The following ADGRL2 variants were observed in gnomAD, a reference collection of about 807,000 sequenced individuals.
ADGRL2 encodes adhesion G protein-coupled receptor L2, also known as calcium-independent alpha-latrotoxin receptor 2.
In ADGRL2, 44 loss-of-function variants were observed where a neutral mutation model predicts 157.4. The observed-to-expected ratio is 0.28, with a 90% CI of 0.22 to 0.36. The LOEUF (loss-of-function observed/expected upper bound fraction) is 0.36, where lower values mean the gene tolerates loss of function less well. ADGRL2 is among the 10% of genes least tolerant of loss of function. The pLI is 1.00. For missense variants in ADGRL2, 1,510 were observed against 1,768.9 expected (o/e 0.85, Z 2.63); for synonymous variants, 585 against 624.7 (o/e 0.94, Z 0.95).
rs551106734 is a variant in ADGRL2, at chr1:81,688,424, G to A, written c.-142-73387G>A. On this transcript the variant is annotated intron_variant, in intron 3 of 24. Transcript: ENST00000370721. ...GGGTTAATTCAAAGACCTTGTCTTC[G>A]AACTCCAAATTTCTTTCTTCTACTT... is the stretch of plus-strand genomic sequence containing the variant. 2.4e-3 allele frequency among the ~76,000 whole-genome samples: 367 copies of A among 151,798 alleles called. 2 individuals carry two copies. The highest frequency in any genetic ancestry group is 8.0e-3 in the African/African-American group (333 of 41,418).
intron 3 of ADGRL2, among the ~76,000 whole-genome samples, chr1:81,911,687 A>T (rs1053832220): frequency 1.3e-5 from 2 of 152,176 alleles, no homozygotes; most frequent in African/African-American, 4.8e-5. Context: ...TTCAATATTA[A>T]ATGTGAGTTT....
intron 1 of ADGRL2, among the ~76,000 whole-genome samples, chr1:81,344,666 CAAAAA>C (rs71592731): frequency 1.8e-5 from 1 of 56,024 alleles, no homozygotes. Flanking sequence ...AACTCTGTCT[CAAAAA>C]AAAAAAAAAA....
intron 2 of ADGRL2, among the ~76,000 whole-genome samples, chr1:81,478,147 A>G (rs1161038874): frequency 6.6e-6 from 1 of 152,178 alleles, no homozygotes; most frequent in Non-Finnish European, 1.5e-5. Flanking sequence ...TGCGATAATT[A>G]TTCCTTGGGG....
intron 6 of ADGRL2, among the ~76,000 whole-genome samples, chr1:81,944,956 A>T (rs1649318313): frequency 6.6e-6 from 1 of 152,064 alleles, no homozygotes; most frequent in African/African-American, 2.4e-5. Context: ...AGAATACCAA[A>T]ATACATGAGT....
intron 18 of ADGRL2, chr1:81,980,949 T>G: frequency 2.0e-6 from 1 of 505,950 alleles, no homozygotes; most frequent in East Asian, 3.2e-5. Flanking sequence ...AAATATCTAA[T>G]TTGCTATAGT....
intron 1 of ADGRL2, among the ~76,000 whole-genome samples, chr1:81,376,093 C>T (rs934216697): frequency 2.0e-5 from 3 of 152,174 alleles, no homozygotes; most frequent in African/African-American, 7.2e-5. Context: ...GTTGGCTCTT[C>T]CCCTTACTGG....
chr1:81,440,088 C>T (rs1478921140), intron 1 of ADGRL2, among the ~76,000 whole-genome samples: 2 of 152,094 alleles, frequency 1.3e-5, no homozygotes, highest in Non-Finnish European at 2.9e-5. Flanking sequence ...CTCAAAGGTG[C>T]GTACGACAAT....
At chr1:81,586,756 T>C (rs1377664538) in intron 3 of ADGRL2, among the ~76,000 whole-genome samples, 1 of 151,982 alleles carries the variant, frequency 6.6e-6, no homozygotes, top group East Asian at 1.9e-4. Flanking sequence ...GAGGTGGGGA[T>C]TTATTTACTT....
intron 2 of ADGRL2, among the ~76,000 whole-genome samples, chr1:81,454,641 T>C (rs1261906909): frequency 6.6e-6 from 1 of 152,158 alleles, no homozygotes; most frequent in East Asian, 1.9e-4. Flanking sequence ...TAGCACTTCG[T>C]TGAAAAACAC....
intron 1 of ADGRL2, among the ~76,000 whole-genome samples, chr1:81,323,486 C>G (rs1660679324): frequency 7.0e-6 from 1 of 143,592 alleles, no homozygotes; most frequent in African/African-American, 2.6e-5. Flanking sequence ...CTCCTGGACT[C>G]AAACAATCCT....
intron 2 of ADGRL2, among the ~76,000 whole-genome samples, chr1:81,872,519 C>A (rs1321694788): frequency 6.6e-6 from 1 of 152,056 alleles, no homozygotes; most frequent in African/African-American, 2.4e-5. Flanking sequence ...TACCTCATTT[C>A]TCATTGATTT....
chr1:81,592,801 G>A (rs1417123044), intron 3 of ADGRL2, among the ~76,000 whole-genome samples: 3 of 151,950 alleles, frequency 2.0e-5, no homozygotes, highest in African/African-American at 7.3e-5. Context: ...TAGGGGTGGG[G>A]AAGTGGGTGC....
chr1:81,684,286 T>A (rs1184507653), intron 3 of ADGRL2, among the ~76,000 whole-genome samples: 2 of 152,222 alleles, frequency 1.3e-5, no homozygotes, highest in African/African-American at 4.8e-5. Context: ...CGTATCCACA[T>A]CAACATCTAC....
At chr1:81,447,613 T>C (rs1036887298) in intron 2 of ADGRL2, among the ~76,000 whole-genome samples, 1 of 152,190 alleles carries the variant, frequency 6.6e-6, no homozygotes, top group Admixed American at 6.5e-5. Context: ...CTCTCTAAAA[T>C]TTTTGATATA....
intron 2 of ADGRL2, among the ~76,000 whole-genome samples, chr1:81,528,024 G>T (rs182370110): frequency 1.3e-5 from 2 of 152,082 alleles, no homozygotes; most frequent in Non-Finnish European, 2.9e-5. Flanking sequence ...CCGAGATCGC[G>T]TCACTGCACT....
At chr1:81,711,964 C>T (rs926911289) in intron 1 of ADGRL2, among the ~76,000 whole-genome samples, 1 of 152,130 alleles carries the variant, frequency 6.6e-6, no homozygotes, top group African/African-American at 2.4e-5. Flanking sequence ...ATTTTCAGAG[C>T]ACTCTAAAGG....
intron 2 of ADGRL2, among the ~76,000 whole-genome samples, chr1:81,524,904 TA>T (rs1056230978): frequency 3.3e-5 from 5 of 150,718 alleles, no homozygotes; most frequent in African/African-American, 9.7e-5. Flanking sequence ...ACTTGTCTCT[TA>T]AAAAAAAATA....
At chr1:81,864,349 C>A (rs1409359966) in intron 2 of ADGRL2, among the ~76,000 whole-genome samples, 1 of 150,168 alleles carries the variant, frequency 6.7e-6, no homozygotes, top group African/African-American at 2.4e-5. Flanking sequence ...TTAGTGAGGA[C>A]CTATTTCTGA....
chr1:81,502,526 C>G (rs972117634), intron 2 of ADGRL2: 2 of 1,614,080 alleles, frequency 1.2e-6, no homozygotes, highest in Non-Finnish European at 1.7e-6. Flanking sequence ...GATCCTGGAC[C>G]TGTACATGCT....
Sources: allele counts gnomAD v4.1 joint callset (sites outside exome capture counted in the v4.1 genomes callset), GRCh38; gene constraint gnomAD v4.1.1; transcripts MANE v1.5; gene names NCBI Gene and HGNC (gene_info 2026-07-23, HGNC 2026-07-21).